The following LBX1 variants were observed in gnomAD, a reference collection of about 807,000 sequenced individuals.
The protein encoded by LBX1 is transcription factor LBX1.
A neutral mutation model predicts 19.9 loss-of-function variants in LBX1; 6 were observed. That is an observed-to-expected ratio of 0.30 (90% CI 0.17 to 0.60). The LOEUF is 0.60. Ranked by LOEUF, LBX1 falls within the 20% of genes least tolerant of loss-of-function variation. The probability of loss-of-function intolerance (pLI) is 0.87; values close to 1 mark genes in which losing one functional copy is unlikely to be tolerated. For missense variants in LBX1, 344 were observed against 393.7 expected (o/e 0.87, Z 1.07); for synonymous variants, 190 against 189.3 (o/e 1.00, Z -0.03).
In LBX1 at chr10:101,228,600, G is replaced by C. The variant is rs1345584064; in HGVS notation, c.216C>G (p.Pro72=). 1 of 1,560,748 alleles carries C rather than the reference G, an allele frequency of 6.4e-7. No individual in the cohort carries two copies. Among genetic ancestry groups the C allele is most frequent in the Non-Finnish European group, 8.7e-7 (1 of 1,152,544 alleles). ...AADKHAQGGL[P]LAGRALLSQT... ...GCGAGAGCAGCGCGCGGCCCGCCAG[G>C]GGCAAGCCGCCCTGCGCGTGCTTGT... is the stretch of plus-strand genomic sequence containing the variant. Residue 72 remains proline (P), a synonymous_variant, in exon 1 of 2, where the codon CCC becomes CCG. Transcript: ENST00000370193.
Position 101,227,414 on chromosome 10 carries a change from A to G in LBX1, c.702T>C (p.Ser234=), listed in dbSNP as rs543223691. ...GCGRAKSRPG[S]PVLPPGAPKA... is the part of the protein sequence containing the mutation. ...TCGGGGCGCCTGGGGGGAGGACCGGAGAGCCGGGCCTCGACTTGGCCCTGC... is the reference window on the plus strand; with the variant it reads ...TCGGGGCGCCTGGGGGGAGGACCGGGGAGCCGGGCCTCGACTTGGCCCTGC... The change falls in exon 2 of 2, where the codon TCT becomes TCC. Residue 234 remains serine (S), a synonymous_variant. Coordinates refer to ENST00000370193, the MANE Select transcript of LBX1 (RefSeq NM_006562.5). 6.3e-6 allele frequency: 10 copies of G among 1,598,862 alleles called. No individual in the cohort carries two copies. The East Asian group carries it at 2.0e-4, about 32-fold the overall frequency.
intron 1 of LBX1, 53 bp from the exon 2 acceptor site, chr10:101,227,843 G>A (rs1020599005): frequency 6.6e-7 from 1 of 1,504,910 alleles, no homozygotes; most frequent in African/African-American, 1.4e-5. Context: ...AGCCCACCCT[G>A]GCTCTCGCCC....
At chr10:101,227,823 G>A in intron 1 of LBX1, 33 bp from the exon 2 acceptor site, 1 of 1,528,882 alleles carries the variant, frequency 6.5e-7, no homozygotes, top group Admixed American at 2.0e-5. Context: ...GCTCGCGTTG[G>A]GAGAGAGGAA....
At position 101,228,819 on chromosome 10, in the gene LBX1, G is replaced by C; in HGVS notation, c.-4C>G. 2 of 1,538,436 alleles carry C rather than the reference G, an allele frequency of 1.3e-6. No individual in the cohort carries two copies. Among genetic ancestry groups the C allele is most frequent in the Non-Finnish European group, 1.7e-6 (2 of 1,143,296 alleles). ...TGCCGTCCTCCTTGGAAGTCATCTC[G>C]GCCTTGTTCGGGGTCCCGGCCGGGG... On this transcript the variant is annotated 5_prime_UTR_variant, in exon 1 of 2. Transcript: ENST00000370193.
In LBX1 at chr10:101,228,931, C is replaced by A. The variant is rs1590157279; in HGVS notation, c.-116G>T. 6 of 539,754 alleles carry A rather than the reference C, an allele frequency of 1.1e-5. No individual in the cohort carries two copies. The highest frequency in any genetic ancestry group is 1.6e-5 in the Non-Finnish European group (6 of 382,918). The allele number at this position is 539,754 out of a possible 1,614,324, so 33.4% of individuals were successfully genotyped here. A position where few individuals can be genotyped will look rare whatever the true frequency, so the allele number is the denominator to read the frequency against. On this transcript the variant is annotated 5_prime_UTR_variant, in exon 1 of 2. Coordinates refer to ENST00000370193, the MANE Select transcript of LBX1 (RefSeq NM_006562.5). Reference sequence around the variant, plus strand: ...AGCGGCGGGTGGAAAGGAGGCCGCACTGGGCAGGGCGCGGGCCGGGCGCGG... The same window carrying A: ...AGCGGCGGGTGGAAAGGAGGCCGCAATGGGCAGGGCGCGGGCCGGGCGCGG...
Position 101,227,916 on chromosome 10 carries a change from A to C in LBX1, c.326-126T>G, listed in dbSNP as rs575543975. On this transcript the variant is annotated intron_variant, in intron 1 of 1. Transcript: ENST00000370193. ...CAGTCTACCAATGTTCCCTTCTCAG[A>C]TTTAATTCAGCCTCCAGGACCAGGG... is the stretch of plus-strand genomic sequence containing the variant. 377 of 892,150 alleles carry C rather than the reference A, an allele frequency of 4.2e-4. 3 individuals are homozygous for C. In the Middle Eastern group the frequency reaches 4.6e-3, roughly 11 times the overall value. 55.3% of individuals were successfully genotyped at this position (892,150 alleles called of 1,614,324 possible). A position where few individuals can be genotyped will look rare whatever the true frequency, so the allele number is the denominator to read the frequency against.
chr10:101,228,551 C>T lies in LBX1; in HGVS notation c.265G>A (p.Glu89Lys), dbSNP rs1231780527. The T allele has an allele frequency of 6.4e-7, 1 of 1,554,664 alleles. No homozygotes were observed. Among genetic ancestry groups the T allele is most frequent in the Non-Finnish European group, 8.7e-7 (1 of 1,149,110 alleles). Reference sequence around the variant, plus strand: ...TTAAACGTCTTGCTGGCGAGCTCCTCCAGCGCGCACAGCGGCGAGGTCTGC... The same window carrying T: ...TTAAACGTCTTGCTGGCGAGCTCCTTCAGCGCGCACAGCGGCGAGGTCTGC... ...LSQTSPLCAL[E>K]ELASKTFKGL... The change falls in exon 1 of 2, where the codon GAG (glutamate) becomes AAG (lysine). Residue 89 changes from glutamate to lysine, a missense_variant. Transcript: ENST00000370193.
chr10:101,228,870 C>G lies in LBX1; in HGVS notation c.-55G>C. 1 of 1,258,456 alleles carries G rather than the reference C, an allele frequency of 7.9e-7. No individual in the cohort carries two copies. 78.0% of individuals were successfully genotyped at this position (1,258,456 alleles called of 1,614,324 possible). A position where few individuals can be genotyped will look rare whatever the true frequency, so the allele number is the denominator to read the frequency against. On this transcript the variant is annotated 5_prime_UTR_variant, in exon 1 of 2. Transcript: ENST00000370193. ...CGGCTCGGGCCGCGGGGACCCAGCC[C>G]GCGGGCAGCTCGGGCGCCGGACGGC...
chr10:101,228,783 C>A lies in LBX1; in HGVS notation c.33G>T (p.Pro11=), dbSNP rs1474988314. 1.4e-5 allele frequency: 23 copies of A among 1,597,690 alleles called. No homozygotes were observed. Among genetic ancestry groups the A allele is most frequent in the Middle Eastern group, 1.7e-4 (1 of 6,002 alleles). The change falls in exon 1 of 2, where the codon CCG becomes CCT. Residue 11 remains proline, a synonymous_variant. Transcript: ENST00000370193. The part of the protein sequence containing the change: MTSKEDGKAA[P]GEERRRSPLD... ...GCGGGCTGCGCCGCCGCTCCTCCCCCGGCGCCGCCTTGCCGTCCTCCTTGG... is the reference window on the plus strand; with the variant it reads ...GCGGGCTGCGCCGCCGCTCCTCCCCAGGCGCCGCCTTGCCGTCCTCCTTGG...
At chr10:101,228,251 A>G (rs527520399) in intron 1 of LBX1, among the ~76,000 whole-genome samples, 59 of 152,274 alleles carry the variant, frequency 3.9e-4, no homozygotes, top group Middle Eastern at 6.8e-3. Flanking sequence ...AAGCAAGCAG[A>G]CTGCGGAAAG....
rs755242503 is a variant in LBX1, at chr10:101,227,266, C to A, written c.*4G>T. The A allele has an allele frequency of 1.2e-6, 2 of 1,601,154 alleles. No homozygotes were observed. The highest frequency in any genetic ancestry group is 3.4e-5 in the Admixed American group (2 of 58,994). On this transcript the variant is annotated 3_prime_UTR_variant, in exon 2 of 2. Coordinates refer to ENST00000370193, the MANE Select transcript of LBX1 (RefSeq NM_006562.5). ...CCAGGGCGGCGGAAGACCCGGGGCG[C>A]CGCTCAATCGTCCACGTCGATCTCT...
In LBX1 at chr10:101,229,004, G is replaced by A. The variant is rs754639105; in HGVS notation, c.-189C>T. On this transcript the variant is annotated 5_prime_UTR_variant, in exon 1 of 2. Transcript: ENST00000370193. This position sits in a 1 kb window ranked among gnomAD's most constrained non-coding sequence, Gnocchi z 6.4. ...GGAGGGGAGAACAGCGCGGGGCCCC[G>A]GGAAGAGGGCGCTGACGCGGGCGCC... 4.4e-4 allele frequency: 87 copies of A among 198,690 alleles called. No homozygotes were observed. The highest frequency in any genetic ancestry group is 5.4e-4 in the African/African-American group (23 of 42,498). The allele number at this position is 198,690 out of a possible 1,614,324, so 12.3% of individuals were successfully genotyped here.
In LBX1 at chr10:101,227,627, G is replaced by A; in HGVS notation, c.489C>T (p.Gly163=). ...ADRDQIAQQL[G]LTNAQVITWF... is the part of the protein sequence containing the mutation. ...AGGTGATGACTTGCGCGTTGGTGAG[G>A]CCCAGCTGCTGCGCGATTTGGTCGC... The change falls in exon 2 of 2, where the codon GGC becomes GGT. Residue 163 remains glycine (G), a synonymous_variant. Transcript: ENST00000370193. 6.2e-7 allele frequency: 1 copy of A among 1,614,232 alleles called. No homozygotes were observed. Among genetic ancestry groups the A allele is most frequent in the Non-Finnish European group, 8.5e-7 (1 of 1,180,034 alleles).
Position 101,227,350 on chromosome 10 carries a change from A to G in LBX1, c.766T>C (p.Ser256Pro). Residue 256 changes from serine to proline, a missense_variant, in exon 2 of 2, where the codon TCT becomes CCT. Coordinates refer to ENST00000370193, the MANE Select transcript of LBX1 (RefSeq NM_006562.5). ...CTGGCCGGCTGGTCCGTGAGCGGAG[A>G]GGCAGGCGAGAGCTGCAGGGCGCCA... ...GAGALQLSPA[S>P]PLTDQPASSQ... 1 of 1,608,548 alleles carries G rather than the reference A, an allele frequency of 6.2e-7. No homozygotes were observed. Among genetic ancestry groups the G allele is most frequent in the Non-Finnish European group, 8.5e-7 (1 of 1,178,694 alleles).
rs1219075571 is a variant in LBX1 at position 101,228,925 on chromosome 10, G to A, written c.-110C>T. On this transcript the variant is annotated 5_prime_UTR_variant, in exon 1 of 2. Coordinates refer to ENST00000370193, the MANE Select transcript of LBX1 (RefSeq NM_006562.5). ...GCAGGCAGCGGCGGGTGGAAAGGAG[G>A]CCGCACTGGGCAGGGCGCGGGCCGG... The A allele has an allele frequency of 1.6e-5, 10 of 616,902 alleles. No homozygotes were observed. The highest frequency in any genetic ancestry group is 4.9e-5 in the Admixed American group (1 of 20,242). The allele number at this position is 616,902 out of a possible 1,614,324, so 38.2% of individuals were successfully genotyped here.
At position 101,228,884 on chromosome 10, in the gene LBX1, G is replaced by T; in HGVS notation, c.-69C>A. 3 of 1,123,460 alleles carry T rather than the reference G, an allele frequency of 2.7e-6. No homozygotes were observed. The highest frequency in any genetic ancestry group is 3.4e-6 in the Non-Finnish European group (3 of 875,722). 69.6% of individuals were successfully genotyped at this position (1,123,460 alleles called of 1,614,324 possible). Reference sequence around the variant, plus strand: ...GGGACCCAGCCCGCGGGCAGCTCGGGCGCCGGACGGCGCGGGCAGGCAGCG... The same window carrying T: ...GGGACCCAGCCCGCGGGCAGCTCGGTCGCCGGACGGCGCGGGCAGGCAGCG... On this transcript the variant is annotated 5_prime_UTR_variant, in exon 1 of 2. Coordinates refer to ENST00000370193, the MANE Select transcript of LBX1 (RefSeq NM_006562.5).
In LBX1 at chr10:101,229,192, G is replaced by A. The variant is rs1941084558; in HGVS notation, c.-377C>T. The stretch of plus-strand genomic sequence containing the variant: ...CAGTTGGAAGAGCCGAGGCGAGGGC[G>A]CCGATCCCGGACTGCGAGGGAGGCG... On this transcript the variant is annotated 5_prime_UTR_variant, in exon 1 of 2. Coordinates refer to ENST00000370193, the MANE Select transcript of LBX1 (RefSeq NM_006562.5). This position sits in a 1 kb window ranked among gnomAD's most constrained non-coding sequence, Gnocchi z 6.4. 1.3e-5 allele frequency: 2 copies of A among 153,616 alleles called. No homozygotes were observed. The highest frequency in any genetic ancestry group is 1.4e-5 in the Non-Finnish European group (1 of 68,972). The allele number at this position is 153,616 out of a possible 1,614,324, so 9.5% of individuals were successfully genotyped here.
rs1368924389 is a variant in LBX1, at chr10:101,228,633, G to A, written c.183C>T (p.Ala61=). ...CGCCCTGCGCGTGCTTGTCCGCGGC[G>A]GCCAGCAGGTGCGCCGCCCCGCACA... is the stretch of plus-strand genomic sequence containing the variant. ...YSLCGAAHLL[A]AADKHAQGGL... Residue 61 remains alanine (A), a synonymous_variant, in exon 1 of 2, where the codon GCC becomes GCT. Coordinates refer to ENST00000370193, the MANE Select transcript of LBX1 (RefSeq NM_006562.5). 1.3e-6 allele frequency: 2 copies of A among 1,583,198 alleles called. No homozygotes were observed. Among genetic ancestry groups the A allele is most frequent in the Admixed American group, 1.8e-5 (1 of 54,628 alleles).
rs374088465 is a variant in LBX1, at chr10:101,228,596, C to T, written c.220G>A (p.Ala74Thr). The T allele has an allele frequency of 5.8e-6, 9 of 1,559,050 alleles. No individual in the cohort carries two copies. The African/African-American group carries it at 1.1e-4, about 19-fold the overall frequency. Reference protein sequence around the residue: ...DKHAQGGLPLAGRALLSQTSP... With the variant: ...DKHAQGGLPLTGRALLSQTSP... ...GTCTGCGAGAGCAGCGCGCGGCCCG[C>T]CAGGGGCAAGCCGCCCTGCGCGTGC... is the stretch of plus-strand genomic sequence containing the variant. Residue 74 changes from alanine to threonine, a missense_variant, in exon 1 of 2, where the codon GCG (alanine) becomes ACG (threonine). Transcript: ENST00000370193.
Sources: gnomAD v4.1 joint callset for allele counts (sites outside exome capture counted in the v4.1 genomes callset) on GRCh38, gnomAD v4.1.1 for gene constraint, Gnocchi (gnomAD v3.1) non-coding constraint, MANE v1.5 for transcripts, NCBI Gene and HGNC (gene_info 2026-07-23, HGNC 2026-07-21) for gene names.